Variants in ZNRF3 observed in about 807,000 individuals in gnomAD.
The protein encoded by ZNRF3 is E3 ubiquitin-protein ligase ZNRF3.
In ZNRF3, 23 loss-of-function variants were observed where a neutral mutation model predicts 72.5. That is an observed-to-expected ratio of 0.32 (90% CI 0.23 to 0.45). The LOEUF (loss-of-function observed/expected upper bound fraction) is 0.45. ZNRF3 is among the 20% of genes least tolerant of loss of function. The pLI is 1.00. For synonymous variants in ZNRF3, 610 were observed against 545.3 expected (o/e 1.12, Z -1.65); for missense variants, 1,169 against 1,272.1 (o/e 0.92, Z 1.23).
intron 1 of ZNRF3, among the ~76,000 whole-genome samples, chr22:28,935,470 C>T (rs1252384832): frequency 1.3e-5 from 2 of 152,294 alleles, no homozygotes; most frequent in Non-Finnish European, 2.9e-5. Flanking sequence ...CCCATGTCCT[C>T]AGTTCATTTC....
At chr22:28,890,199 G>C (rs1315333014) in intron 1 of ZNRF3, among the ~76,000 whole-genome samples, 2 of 152,146 alleles carry the variant, frequency 1.3e-5, no homozygotes, top group Non-Finnish European at 2.9e-5. Context: ...TTACAATACT[G>C]GGTTGTATGA....
intron 1 of ZNRF3, among the ~76,000 whole-genome samples, chr22:28,981,767 C>T (rs1041121380): frequency 2.0e-5 from 3 of 152,160 alleles, no homozygotes; most frequent in Non-Finnish European, 2.9e-5. Flanking sequence ...GAGTCCAAGG[C>T]GGGTGGATCA....
At position 29,050,772 on chromosome 22, in the gene ZNRF3, C is replaced by A; in HGVS notation, c.2591C>A (p.Pro864Gln). The part of the protein sequence containing the change: ...SWGGTRGPDT[P>Q]RPHRGLGATR... ...GGTGGGACGCGAGGCCCGGATACCCCACGGCCCCACAGGGGCCTGGGAGCA... is the reference window on the plus strand; with the variant it reads ...GGTGGGACGCGAGGCCCGGATACCCAACGGCCCCACAGGGGCCTGGGAGCA... Residue 864 changes from proline (P) to glutamine (Q), a missense_variant, in exon 8 of 9, where the codon CCA (proline) becomes CAA (glutamine). By Grantham distance (76) the Pro-to-Gln change is moderately conservative. Around this residue, in one of 2 missense-constraint regions of ZNRF3, gnomAD observed 783 missense variants for 731.4 expected, o/e 1.07. Coordinates refer to ENST00000544604, the MANE Select transcript of ZNRF3 (RefSeq NM_001206998.2). The A allele has an allele frequency of 6.2e-7, 1 of 1,606,938 alleles. No individual in the cohort carries two copies. The highest frequency in any genetic ancestry group is 8.5e-7 in the Non-Finnish European group (1 of 1,177,012).
chr22:29,046,974 C>A, intron 6 of ZNRF3, 91 bp downstream of exon 6: 1 of 1,196,850 alleles, frequency 8.4e-7, no homozygotes, highest in Non-Finnish European at 1.1e-6. Flanking sequence ...GCCCTGTGTT[C>A]CATCACACAC....
intron 2 of ZNRF3, chr22:29,031,571 G>T (rs1004568083): frequency 1.3e-5 from 13 of 985,346 alleles, no homozygotes; most frequent in Non-Finnish European, 1.6e-5. Flanking sequence ...TCAAGAGCCT[G>T]GTGCCTGGGT....
intron 1 of ZNRF3, among the ~76,000 whole-genome samples, chr22:28,982,523 G>A (rs1033539249): frequency 2.7e-5 from 4 of 145,886 alleles, no homozygotes; most frequent in Non-Finnish European, 4.5e-5. Flanking sequence ...CTGTGATCAC[G>A]CCACTGCACT....
intron 2 of ZNRF3, among the ~76,000 whole-genome samples, chr22:28,991,917 A>C (rs556232983): frequency 6.6e-6 from 1 of 152,040 alleles, no homozygotes; most frequent in Non-Finnish European, 1.5e-5. Context: ...CTGAGTCAGG[A>C]GAGCTGCTTG....
At position 29,021,768 on chromosome 22, in the gene ZNRF3, G is replaced by A. The variant is rs189300519; in HGVS notation, c.427-20727G>A. On this transcript the variant is annotated intron_variant, in intron 2 of 8. Coordinates refer to ENST00000544604, the MANE Select transcript of ZNRF3 (RefSeq NM_001206998.2). ...CTCCCAAAGTGCTGGGATTACAGGC[G>A]TAAGCCACCGTGCCCGGCCTTGTTT... Among the ~76,000 whole-genome samples, 3 of 152,144 alleles carry A rather than the reference G, an allele frequency of 2.0e-5. No homozygotes were observed. In the East Asian group the frequency reaches 5.8e-4, roughly 29 times the overall value.
Position 29,050,663 on chromosome 22 carries a change from C to A in ZNRF3, c.2482C>A (p.Arg828Ser). 1 of 1,612,242 alleles carries A rather than the reference C, an allele frequency of 6.2e-7. No homozygotes were observed. The highest frequency in any genetic ancestry group is 8.5e-7 in the Non-Finnish European group (1 of 1,179,528). Reference sequence around the variant, plus strand: ...CCCCGGGGCCCGGGACCTGAGCCAGCGCATCCCCATCATTCCAGAGGATGT... The same window carrying A: ...CCCCGGGGCCCGGGACCTGAGCCAGAGCATCCCCATCATTCCAGAGGATGT... The part of the protein sequence containing the change: ...CYPGARDLSQ[R>S]IPIIPEDVDC... The change falls in exon 8 of 9, where the codon CGC becomes AGC. Residue 828 changes from arginine to serine, a missense_variant. By Grantham distance (110) the Arg-to-Ser change is moderately radical. Coordinates refer to ENST00000544604, the MANE Select transcript of ZNRF3 (RefSeq NM_001206998.2).
intron 2 of ZNRF3, among the ~76,000 whole-genome samples, chr22:29,033,128 T>C (rs2036793619): frequency 6.6e-6 from 1 of 152,114 alleles, no homozygotes; most frequent in Admixed American, 6.5e-5. Flanking sequence ...GGAGGGTGGA[T>C]CACCTGAGGC....
At chr22:29,004,659 C>T (rs1429131169) in intron 2 of ZNRF3, among the ~76,000 whole-genome samples, 1 of 152,170 alleles carries the variant, frequency 6.6e-6, no homozygotes, top group African/African-American at 2.4e-5. Flanking sequence ...AGAACTGCCT[C>T]TCTTCCTCGC....
At chr22:28,920,204 G>T (rs1346454795) in intron 1 of ZNRF3, among the ~76,000 whole-genome samples, 1 of 151,800 alleles carries the variant, frequency 6.6e-6, no homozygotes. Flanking sequence ...GACCTTGGGG[G>T]ATCCACCCAC....
At chr22:28,926,432 C>A (rs903284817) in intron 1 of ZNRF3, among the ~76,000 whole-genome samples, 2 of 151,238 alleles carry the variant, frequency 1.3e-5, no homozygotes, top group South Asian at 4.2e-4. Flanking sequence ...ATCCTGCCAC[C>A]TCATCAGTCT....
intron 2 of ZNRF3, among the ~76,000 whole-genome samples, chr22:29,041,860 G>A (rs542481088): frequency 6.6e-6 from 1 of 152,204 alleles, no homozygotes; most frequent in East Asian, 1.9e-4. Context: ...TTCTAACTGG[G>A]TGACATGGGA....
At chr22:28,942,726 T>C (rs1645235337) in intron 1 of ZNRF3, among the ~76,000 whole-genome samples, 1 of 152,232 alleles carries the variant, frequency 6.6e-6, no homozygotes. Context: ...GCAAACTCTA[T>C]TGACCCTTGT....
At chr22:28,999,662 C>T (rs533180214) in intron 2 of ZNRF3, among the ~76,000 whole-genome samples, 15 of 152,318 alleles carry the variant, frequency 9.8e-5, no homozygotes, top group Non-Finnish European at 1.9e-4. Flanking sequence ...GTTATGCCAG[C>T]CACAACAGTG....
chr22:28,923,022 C>G (rs1003870967), intron 1 of ZNRF3, among the ~76,000 whole-genome samples: 1 of 152,072 alleles, frequency 6.6e-6, no homozygotes, highest in Non-Finnish European at 1.5e-5. Context: ...GACATAGCCC[C>G]AGGGATGTGC....
In ZNRF3 at chr22:29,049,417, C is replaced by A; in HGVS notation, c.1236C>A (p.Thr412=). Residue 412 remains threonine (T), a synonymous_variant, in exon 8 of 9, where the codon ACC becomes ACA. Transcript: ENST00000544604. The surrounding 1 kb of genome is among the most constrained non-coding windows in gnomAD (Gnocchi z 5.2). ...AGCAGAGCCTCTATTCCCCGCAGACCCCCGCCTACATCCGCAGCTACCCAC... is the reference window on the plus strand; with the variant it reads ...AGCAGAGCCTCTATTCCCCGCAGACACCCGCCTACATCCGCAGCTACCCAC... ...HGEQSLYSPQ[T]PAYIRSYPPL... The A allele has an allele frequency of 6.2e-7, 1 of 1,608,398 alleles. No homozygotes were observed. The highest frequency in any genetic ancestry group is 8.5e-7 in the Non-Finnish European group (1 of 1,179,478).
At chr22:29,034,939 T>A (rs1453693415) in intron 2 of ZNRF3, among the ~76,000 whole-genome samples, 1 of 151,374 alleles carries the variant, frequency 6.6e-6, no homozygotes, top group Non-Finnish European at 1.5e-5. Context: ...AATTAATACA[T>A]GGTTAATGCA....
Sources: gnomAD v4.1 joint callset for allele counts (sites outside exome capture counted in the v4.1 genomes callset) on GRCh38, gnomAD v4.1.1 for gene constraint, gnomAD v4.1.1 regional missense constraint, Gnocchi (gnomAD v3.1) non-coding constraint, MANE v1.5 for transcripts, NCBI Gene and HGNC (gene_info 2026-07-23, HGNC 2026-07-21) for gene names.